Variants in CNTNAP5 observed in about 807,000 individuals in gnomAD.
CNTNAP5 encodes the protein contactin-associated protein-like 5.
A neutral mutation model predicts 150.2 loss-of-function variants in CNTNAP5; 72 were observed. The observed-to-expected ratio is 0.48, with a 90% CI of 0.40 to 0.58. The LOEUF is 0.58. Ranked by LOEUF, CNTNAP5 falls within the 20% of genes least tolerant of loss-of-function variation. The pLI is 0.00. For missense variants in CNTNAP5, 1,636 were observed against 1,626.2 expected, an observed-to-expected ratio of 1.01 and a Z score of -0.10; for synonymous variants, 672 against 619.8, an observed-to-expected ratio of 1.08 and a Z score of -1.25.
intron 19 of CNTNAP5, among the ~76,000 whole-genome samples, chr2:124,803,576 C>T (rs116717982): frequency 0.024 from 3,615 of 152,208 alleles, 144 homozygotes; most frequent in African/African-American, 0.083. Context: ...TGTGCAGCTG[C>T]CCTCCAGCAC....
At chr2:124,224,472 A>T (rs1686407037) in intron 2 of CNTNAP5, among the ~76,000 whole-genome samples, 3 of 151,978 alleles carry the variant, frequency 2.0e-5, no homozygotes, top group Non-Finnish European at 2.9e-5. Flanking sequence ...AACCATGTAT[A>T]TGTGATATAT....
intron 6 of CNTNAP5, among the ~76,000 whole-genome samples, chr2:124,456,789 C>A (rs1374525762): frequency 6.6e-6 from 1 of 152,058 alleles, no homozygotes; most frequent in African/African-American, 2.4e-5. Context: ...TGATCTTTGA[C>A]AAAGCAAACA....
At chr2:124,220,055 C>A (rs752753238) in intron 1 of CNTNAP5, among the ~76,000 whole-genome samples, 1 of 151,630 alleles carries the variant, frequency 6.6e-6, no homozygotes, top group Non-Finnish European at 1.5e-5. Context: ...TAATTTAATC[C>A]TTGTGTTTCT....
At chr2:124,264,752 G>A (rs1687561304) in intron 3 of CNTNAP5, among the ~76,000 whole-genome samples, 1 of 152,168 alleles carries the variant, frequency 6.6e-6, no homozygotes, top group East Asian at 1.9e-4. Flanking sequence ...GCATGCCAGA[G>A]GCAGAACAGA....
intron 21 of CNTNAP5, among the ~76,000 whole-genome samples, chr2:124,889,702 A>G (rs1022640491): frequency 6.6e-5 from 10 of 152,156 alleles, no homozygotes; most frequent in Non-Finnish European, 1.3e-4. Context: ...CTTGTCTGTT[A>G]GTGCTAATGC....
chr2:124,918,460 G>A lies in CNTNAP5; in HGVS notation c.*4172G>A, dbSNP rs536276182. Among the ~76,000 whole-genome samples, 2 of 152,160 alleles carry A rather than the reference G, an allele frequency of 1.3e-5. No homozygotes were observed. The highest frequency in any genetic ancestry group is 2.4e-5 in the African/African-American group (1 of 41,554). On this transcript the variant is annotated 3_prime_UTR_variant, in exon 24 of 24. Coordinates refer to ENST00000682447, the MANE Select transcript of CNTNAP5 (RefSeq NM_001367498.1). Reference sequence around the variant, plus strand: ...GTTTCCTGTCTTGAAGGTCATACTTGCTCCCTCTCTGCAGGAAGTTAATTC... The same window carrying A: ...GTTTCCTGTCTTGAAGGTCATACTTACTCCCTCTCTGCAGGAAGTTAATTC...
At chr2:124,105,206 T>C (rs1683148668) in intron 1 of CNTNAP5, among the ~76,000 whole-genome samples, 1 of 152,192 alleles carries the variant, frequency 6.6e-6, no homozygotes, top group Non-Finnish European at 1.5e-5. Context: ...CAGTATTAAA[T>C]TGTGTGGGTG....
At chr2:124,671,886 C>G (rs572929321) in intron 13 of CNTNAP5, among the ~76,000 whole-genome samples, 1 of 152,078 alleles carries the variant, frequency 6.6e-6, no homozygotes, top group Non-Finnish European at 1.5e-5. Flanking sequence ...GTGATCCTCC[C>G]GCTTTGGCCT....
At chr2:124,608,799 G>C (rs1440979110) in intron 11 of CNTNAP5, among the ~76,000 whole-genome samples, 1 of 151,978 alleles carries the variant, frequency 6.6e-6, no homozygotes, top group African/African-American at 2.4e-5. Flanking sequence ...ATAAAAATTA[G>C]CTGGGCGTGG....
intron 20 of CNTNAP5, among the ~76,000 whole-genome samples, chr2:124,867,093 A>G (rs1677648158): frequency 6.6e-6 from 1 of 152,060 alleles, no homozygotes. Context: ...ACTGAAGAAA[A>G]TCACTCTAGC....
chr2:124,457,166 A>G (rs184042482), intron 6 of CNTNAP5, among the ~76,000 whole-genome samples: 30 of 152,266 alleles, frequency 2.0e-4, no homozygotes, highest in Non-Finnish European at 7.4e-5. Context: ...AATCTATACA[A>G]TCTTTGTCAC....
intron 13 of CNTNAP5, among the ~76,000 whole-genome samples, chr2:124,650,769 A>G (rs1678304442): frequency 2.0e-5 from 3 of 152,148 alleles, no homozygotes; most frequent in Admixed American, 2.0e-4. Context: ...ACTTCATATC[A>G]TCATTTTCAT....
chr2:124,513,264 G>A (rs922571154), intron 8 of CNTNAP5, among the ~76,000 whole-genome samples: 8 of 152,146 alleles, frequency 5.3e-5, no homozygotes, highest in African/African-American at 1.9e-4. Context: ...CTCTGTGCAT[G>A]TCTGTGTTCA....
intron 6 of CNTNAP5, among the ~76,000 whole-genome samples, chr2:124,459,517 G>C (rs1477497293): frequency 6.6e-6 from 1 of 152,112 alleles, no homozygotes; most frequent in Non-Finnish European, 1.5e-5. Context: ...GGGAGGCTGA[G>C]GCAGGTGGAT....
At chr2:124,807,893 C>A (rs1406743398) in intron 19 of CNTNAP5, among the ~76,000 whole-genome samples, 1 of 152,152 alleles carries the variant, frequency 6.6e-6, no homozygotes, top group African/African-American at 2.4e-5. Context: ...GCTAAAACAC[C>A]ACTGGAAGAT....
chr2:124,626,142 A>G (rs1418125327), intron 12 of CNTNAP5, among the ~76,000 whole-genome samples: 3 of 152,116 alleles, frequency 2.0e-5, no homozygotes, highest in African/African-American at 7.2e-5. Flanking sequence ...TCTAGATGCT[A>G]AAGGAATTTA....
At chr2:124,356,605 A>G (rs1690016248) in intron 3 of CNTNAP5, among the ~76,000 whole-genome samples, 1 of 151,714 alleles carries the variant, frequency 6.6e-6, no homozygotes, top group Non-Finnish European at 1.5e-5. Context: ...ATGATTTCCA[A>G]TTCATCCATG....
chr2:124,846,729 G>A (rs1683055021), intron 19 of CNTNAP5, among the ~76,000 whole-genome samples: 1 of 152,152 alleles, frequency 6.6e-6, no homozygotes, highest in African/African-American at 2.4e-5. Flanking sequence ...TGGGATTCAA[G>A]GGCTAGTGTT....
chr2:124,404,497 C>A (rs1162859749), intron 3 of CNTNAP5, among the ~76,000 whole-genome samples: 1 of 152,176 alleles, frequency 6.6e-6, no homozygotes, highest in African/African-American at 2.4e-5. Flanking sequence ...CATACCATGA[C>A]CTGCTTAACA....
Sources: gnomAD v4.1 joint callset for allele counts (sites outside exome capture counted in the v4.1 genomes callset) on GRCh38, gnomAD v4.1.1 for gene constraint, MANE v1.5 for transcripts, NCBI Gene and HGNC (gene_info 2026-07-23, HGNC 2026-07-21) for gene names.